The following RPS6KA3 variants were observed in gnomAD, a reference collection of about 807,000 sequenced individuals.
The protein encoded by RPS6KA3 is ribosomal protein S6 kinase alpha-3.
In RPS6KA3, 4 loss-of-function variants were observed where a neutral mutation model predicts 67.2. That is an observed-to-expected ratio of 0.06 (90% CI 0.03 to 0.14). The LOEUF is 0.14. Ranked by LOEUF, RPS6KA3 falls within the 10% of genes least tolerant of loss-of-function variation. The pLI is 1.00. For synonymous variants in RPS6KA3, 182 were observed against 183.7 expected, an observed-to-expected ratio of 0.99 and a Z score of 0.07; for missense variants, 204 against 559.0, an observed-to-expected ratio of 0.36 and a Z score of 6.40.
chrX:20,237,010 T>A (rs1421070159), intron 1 of RPS6KA3, among the ~76,000 whole-genome samples: 4 of 111,771 alleles, frequency 3.6e-5, no homozygotes, highest in Non-Finnish European at 3.8e-5. Flanking sequence ...CAATCTAAGC[T>A]TTTCAGTTTC....
intron 2 of RPS6KA3, among the ~76,000 whole-genome samples, chrX:20,223,680 G>T (rs2069040295): frequency 3.6e-5 from 4 of 111,832 alleles, no homozygotes; most frequent in Admixed American, 1.9e-4. Context: ...AGCCAATCTT[G>T]TTTCATATGC....
At chrX:20,188,120 C>G (rs1168175240) in intron 8 of RPS6KA3, 150 bp from the exon 9 acceptor site, 1 of 538,430 alleles carries the variant, frequency 1.9e-6, no homozygotes, top group Admixed American at 3.3e-5. Context: ...GTCACCCAGG[C>G]TGGAGTACAG....
At chrX:20,259,622 G>C (rs1183703109) in intron 1 of RPS6KA3, among the ~76,000 whole-genome samples, 1 of 111,100 alleles carries the variant, frequency 9.0e-6, no homozygotes, top group Non-Finnish European at 1.9e-5. Context: ...GTAGTTATCA[G>C]ACTTTCCAAA....
intron 1 of RPS6KA3, among the ~76,000 whole-genome samples, chrX:20,242,616 G>T (rs2069580327): frequency 8.9e-6 from 1 of 111,865 alleles, no homozygotes; most frequent in Non-Finnish European, 1.9e-5. Context: ...AATAAAAAAT[G>T]TAAAATAATA....
rs1309088451 is a variant in RPS6KA3 at position 20,156,124 on chromosome X, T to C, written c.2085A>G (p.Ala695=). The C allele has an allele frequency of 8.3e-7, 1 of 1,211,077 alleles. No individual in the cohort carries two copies. The highest frequency in any genetic ancestry group is 1.1e-6 in the Non-Finnish European group (1 of 895,268). Residue 695 remains alanine (A), a synonymous_variant, in exon 21 of 22, where the codon GCA becomes GCG. Coordinates refer to ENST00000379565, the MANE Select transcript of RPS6KA3 (RefSeq NM_004586.3). The stretch of plus-strand genomic sequence containing the variant: ...GGCTGCTCACCTTTACTAGATGTGG[T>C]GCATCCTGTCTGTTTAGTTGGTATT... ...LPQYQLNRQD[A]PHLVKGAMAA...
At chrX:20,241,133 G>T (rs967219225) in intron 1 of RPS6KA3, among the ~76,000 whole-genome samples, 5 of 110,385 alleles carry the variant, frequency 4.5e-5, no homozygotes, top group African/African-American at 1.6e-4. Flanking sequence ...TCTAGATGAG[G>T]GTAGGAATGA....
At chrX:20,202,529 T>G (rs1052997844) in intron 4 of RPS6KA3, among the ~76,000 whole-genome samples, 1 of 111,724 alleles carries the variant, frequency 9.0e-6, no homozygotes, top group Non-Finnish European at 1.9e-5. Context: ...CAAAATATTC[T>G]GGATTCGGAA....
intron 1 of RPS6KA3, among the ~76,000 whole-genome samples, chrX:20,254,042 C>G (rs1264744777): frequency 1.8e-5 from 2 of 111,597 alleles, no homozygotes; most frequent in African/African-American, 6.5e-5. Context: ...TATGAACATC[C>G]ATTTTGATAG....
chrX:20,182,920 C>T (rs2067880510), intron 10 of RPS6KA3, among the ~76,000 whole-genome samples: 1 of 111,357 alleles, frequency 9.0e-6, no homozygotes, highest in African/African-American at 3.3e-5. Context: ...GCAGTCTGGG[C>T]CAAAAATGGT....
At chrX:20,207,374 T>C (rs1263833968) in intron 3 of RPS6KA3, among the ~76,000 whole-genome samples, 1 of 112,250 alleles carries the variant, frequency 8.9e-6, no homozygotes. Flanking sequence ...GGAAAGATCA[T>C]GAGTTTGGTC....
At chrX:20,225,381 T>C (rs1396712042) in intron 2 of RPS6KA3, among the ~76,000 whole-genome samples, 1 of 109,257 alleles carries the variant, frequency 9.2e-6, no homozygotes, top group Non-Finnish European at 1.9e-5. Context: ...ATTTTCCTGG[T>C]GTATACACCC....
At chrX:20,158,751 A>C (rs1423189131) in intron 20 of RPS6KA3, among the ~76,000 whole-genome samples, 1 of 110,931 alleles carries the variant, frequency 9.0e-6, no homozygotes, top group African/African-American at 3.3e-5. Flanking sequence ...TACTTCTCTT[A>C]CTACAGCCCC....
chrX:20,189,475 G>C (rs778066557), intron 7 of RPS6KA3, among the ~76,000 whole-genome samples: 13 of 112,122 alleles, frequency 1.2e-4, no homozygotes, highest in Non-Finnish European at 2.1e-4. Flanking sequence ...TGAGCTCACT[G>C]GGTCATGATA....
In RPS6KA3 at chrX:20,164,920, A is replaced by T. The variant is rs1414532869; in HGVS notation, c.1743T>A (p.Thr581=). The T allele has an allele frequency of 9.9e-6, 12 of 1,209,710 alleles. No individual in the cohort carries two copies. Among genetic ancestry groups the T allele is most frequent in the Non-Finnish European group, 1.3e-5 (12 of 893,552 alleles). The change falls in exon 18 of 22, where the codon ACT becomes ACA. Residue 581 remains threonine, a synonymous_variant. Coordinates refer to ENST00000379565, the MANE Select transcript of RPS6KA3 (RefSeq NM_004586.3). The part of the protein sequence containing the change: ...ENGLLMTPCY[T]ANFVAPEVLK... ...TTACCTCTGGTGCAACAAAATTTGC[A>T]GTGTAACAAGGAGTCATGAGAAGAC...
intron 1 of RPS6KA3, among the ~76,000 whole-genome samples, chrX:20,263,591 G>A (rs751443627): frequency 8.9e-6 from 1 of 111,772 alleles, no homozygotes. Flanking sequence ...AGATTCGTGT[G>A]AGGTCTTAAA....
chrX:20,159,493 TCA>T (rs2067259651), intron 20 of RPS6KA3, among the ~76,000 whole-genome samples: 4 of 112,257 alleles, frequency 3.6e-5, no homozygotes, highest in Admixed American at 9.5e-5. Flanking sequence ...ATGCTTGTAA[TCA>T]CAAGTCTTAA....
intron 10 of RPS6KA3, among the ~76,000 whole-genome samples, chrX:20,180,283 T>C (rs1357253634): frequency 9.0e-6 from 1 of 110,720 alleles, no homozygotes; most frequent in Non-Finnish European, 1.9e-5. Flanking sequence ...CAACCAGGTA[T>C]TGTAAGCCTC....
chrX:20,205,976 T>A (rs1196226196), intron 3 of RPS6KA3, among the ~76,000 whole-genome samples: 1 of 112,580 alleles, frequency 8.9e-6, no homozygotes, highest in Non-Finnish European at 1.9e-5. Flanking sequence ...CTGTCCAAAC[T>A]AGGGCTTAGG....
intron 1 of RPS6KA3, 125 bp from the exon 2 acceptor site, chrX:20,234,939 T>G (rs1304281493): frequency 1.2e-5 from 6 of 520,793 alleles, no homozygotes; most frequent in Non-Finnish European, 2.1e-5. Flanking sequence ...TCTAATGAAG[T>G]AGAACCACCA....
Sources: gnomAD v4.1 joint callset for allele counts (sites outside exome capture counted in the v4.1 genomes callset) on GRCh38, gnomAD v4.1.1 for gene constraint, MANE v1.5 for transcripts, NCBI Gene and HGNC (gene_info 2026-07-23, HGNC 2026-07-21) for gene names.